CHD9: variants seen among roughly 807,000 people sequenced by gnomAD.
The protein encoded by CHD9 is ATP-dependent chromatin remodeler CHD9.
In CHD9, 77 loss-of-function variants were observed where a neutral mutation model predicts 316.1. The ratio of observed to expected loss-of-function variants is 0.24; its 90% CI spans 0.20 to 0.29. The LOEUF (loss-of-function observed/expected upper bound fraction) is 0.29. Among genes scored for constraint, CHD9 ranks in the 10% least tolerant of loss-of-function variants. The pLI is 1.00. For synonymous variants in CHD9, 1,129 were observed against 1,158.3 expected (o/e 0.97, Z 0.51); for missense variants, 2,763 against 3,438.1 (o/e 0.80, Z 4.91).
chr16:53,202,590 C>T (rs2045559316), intron 2 of CHD9, among the ~76,000 whole-genome samples: 1 of 152,046 alleles, frequency 6.6e-6, no homozygotes, highest in African/African-American at 2.4e-5. Flanking sequence ...TTGTTGATTG[C>T]ATTTAACAAG....
At chr16:53,147,285 G>C (rs575061033) in intron 1 of CHD9, among the ~76,000 whole-genome samples, 1 of 152,198 alleles carries the variant, frequency 6.6e-6, no homozygotes, top group African/African-American at 2.4e-5. Flanking sequence ...ACAGTATATT[G>C]AGCAGAGGGA....
At chr16:53,287,557 G>A (rs532961572) in intron 26 of CHD9, among the ~76,000 whole-genome samples, 6 of 152,184 alleles carry the variant, frequency 3.9e-5, no homozygotes, top group East Asian at 1.9e-4. Flanking sequence ...GTGAAACCCC[G>A]TCTCTACTAA....
intron 5 of CHD9, 95 bp from the exon 6 acceptor site, chr16:53,227,301 T>C (rs2047740673): frequency 4.1e-6 from 3 of 725,470 alleles, no homozygotes; most frequent in Non-Finnish European, 6.9e-6. Context: ...GTATAAATAT[T>C]TGTTGAATTG....
chr16:53,215,100 T>C (rs1230599087), intron 3 of CHD9, among the ~76,000 whole-genome samples: 1 of 152,058 alleles, frequency 6.6e-6, no homozygotes, highest in Admixed American at 6.6e-5. Flanking sequence ...TTCTTTTTAG[T>C]AGAGATGGGG....
At chr16:53,240,101 GA>G (rs1370343044) in intron 12 of CHD9, among the ~76,000 whole-genome samples, 2 of 152,012 alleles carry the variant, frequency 1.3e-5, no homozygotes, top group Non-Finnish European at 2.9e-5. Context: ...TTTTTGTGAA[GA>G]TAGGGTCTCA....
At position 53,243,658 on chromosome 16, in the gene CHD9, A is replaced by G. The variant is rs761411430; in HGVS notation, c.3054+642A>G. On this transcript the variant is annotated intron_variant, in intron 13 of 38. Coordinates refer to ENST00000447540, the MANE Select transcript of CHD9 (RefSeq NM_001308319.2). ...ATAAGTTTTAAGCCATGAATTACTT[A>G]ATAAAAAGCCCCTCTACCAAAGTTA... 7.2e-5 allele frequency among the ~76,000 whole-genome samples: 11 copies of G among 152,226 alleles called. No homozygotes were observed. The South Asian group carries it at 8.3e-4, about 11-fold the overall frequency.
chr16:53,144,293 T>C (rs1003912046), intron 1 of CHD9, among the ~76,000 whole-genome samples: 8 of 152,184 alleles, frequency 5.3e-5, no homozygotes, highest in Non-Finnish European at 7.3e-5. Flanking sequence ...AAGACACCTT[T>C]ACAAGCATCC....
chr16:53,285,542 C>A, intron 24 of CHD9, 54 bp from the exon 25 acceptor site: 1 of 1,172,290 alleles, frequency 8.5e-7, no homozygotes, highest in Non-Finnish European at 1.2e-6. Context: ...AATTTTGCCT[C>A]CTTTTTGACT....
intron 27 of CHD9, among the ~76,000 whole-genome samples, chr16:53,290,434 G>A (rs1464792324): frequency 6.6e-6 from 1 of 151,932 alleles, no homozygotes; most frequent in Non-Finnish European, 1.5e-5. Flanking sequence ...CATGCTGACT[G>A]ACAGAGGAAA....
chr16:53,160,645 G>A (rs1329840257), intron 2 of CHD9, among the ~76,000 whole-genome samples: 5 of 152,080 alleles, frequency 3.3e-5, no homozygotes, highest in South Asian at 2.1e-4. Flanking sequence ...AGTGGCTCAC[G>A]CCTGTAATCC....
intron 1 of CHD9, among the ~76,000 whole-genome samples, chr16:53,145,203 G>A (rs1281754688): frequency 6.6e-6 from 1 of 151,184 alleles, no homozygotes; most frequent in Non-Finnish European, 1.5e-5. Flanking sequence ...CCAGGCTGGA[G>A]TGCAGTGGTG....
At chr16:53,217,167 G>A (rs73597678) in intron 3 of CHD9, among the ~76,000 whole-genome samples, 4,923 of 152,008 alleles carry the variant, frequency 0.032, 98 homozygotes, top group Middle Eastern at 0.072. Flanking sequence ...CTTTTATGAT[G>A]TTTTCATTTT....
intron 19 of CHD9, among the ~76,000 whole-genome samples, chr16:53,258,016 A>G (rs2050757933): frequency 6.6e-6 from 1 of 152,086 alleles, no homozygotes; most frequent in African/African-American, 2.4e-5. Context: ...TACTGTCCTT[A>G]AAGTTGTTGT....
Position 53,229,109 on chromosome 16 carries a change from A to T in CHD9, c.2286+9A>T, listed in dbSNP as rs1357899025. On this transcript the variant is annotated intron_variant, in intron 8 of 38. Coordinates refer to ENST00000447540, the MANE Select transcript of CHD9 (RefSeq NM_001308319.2). ...CACATTTTTTTGCAGACGTAAGAAA[A>T]AAATAAATAAGACTATTATGTGTTG... 1 of 1,423,838 alleles carries T rather than the reference A, an allele frequency of 7.0e-7. No homozygotes were observed. Among genetic ancestry groups the T allele is most frequent in the Admixed American group, 1.9e-5 (1 of 52,146 alleles). 88.2% of individuals were successfully genotyped at this position (1,423,838 alleles called of 1,614,324 possible). A position where few individuals can be genotyped will look rare whatever the true frequency, so the allele number is the denominator to read the frequency against.
intron 2 of CHD9, among the ~76,000 whole-genome samples, chr16:53,175,124 A>AT (rs2043016262): frequency 6.6e-6 from 1 of 151,942 alleles, no homozygotes. Context: ...GAACATGCTG[A>AT]TTTTTTTCTG....
intron 34 of CHD9, 33 bp downstream of exon 34, chr16:53,308,887 A>C: frequency 6.5e-7 from 1 of 1,546,310 alleles, no homozygotes. Flanking sequence ...TCTTACTATG[A>C]AATATTTTCT....
At chr16:53,212,239 A>G (rs2046387781) in intron 3 of CHD9, among the ~76,000 whole-genome samples, 1 of 151,988 alleles carries the variant, frequency 6.6e-6, no homozygotes. Flanking sequence ...ATCTCTACTA[A>G]AAATACAAAA....
At chr16:53,071,504 A>G (rs2034046475) in intron 1 of CHD9, among the ~76,000 whole-genome samples, 1 of 152,198 alleles carries the variant, frequency 6.6e-6, no homozygotes, top group Non-Finnish European at 1.5e-5. Flanking sequence ...GAATGGGAAT[A>G]GTAAAATATT....
At chr16:53,208,002 C>T (rs1326538835) in intron 2 of CHD9, 21 of 992,156 alleles carry the variant, frequency 2.1e-5, no homozygotes, top group Non-Finnish European at 2.5e-5. Flanking sequence ...CATGCTGATG[C>T]ATTTTGATGC....
Sources: allele counts gnomAD v4.1 joint callset (sites outside exome capture counted in the v4.1 genomes callset), GRCh38; gene constraint gnomAD v4.1.1; transcripts MANE v1.5; gene names NCBI Gene and HGNC (gene_info 2026-07-23, HGNC 2026-07-21).